The following FRMPD4 variants were observed in gnomAD, a reference collection of about 807,000 sequenced individuals.
FRMPD4 encodes the protein FERM and PDZ domain-containing protein 4.
A neutral mutation model predicts 94.1 loss-of-function variants in FRMPD4; 22 were observed. That is an observed-to-expected ratio of 0.23 (90% CI 0.17 to 0.33). The LOEUF (loss-of-function observed/expected upper bound fraction) is 0.33. Ranked by LOEUF, FRMPD4 falls within the 10% of genes least tolerant of loss-of-function variation. The pLI, the probability that FRMPD4 is intolerant of heterozygous loss-of-function variation, is 1.00. For synonymous variants in FRMPD4, 631 were observed against 548.6 expected, an observed-to-expected ratio of 1.15 and a Z score of -2.10; for missense variants, 1,111 against 1,339.9, an observed-to-expected ratio of 0.83 and a Z score of 2.67.
intron 1 of FRMPD4, among the ~76,000 whole-genome samples, chrX:12,458,750 G>A (rs1422184697): frequency 8.9e-6 from 1 of 111,769 alleles, no homozygotes; most frequent in African/African-American, 3.3e-5. Context: ...CACGACTTTG[G>A]TCGAAGAAAT....
rs764595460 is a variant in FRMPD4 at position 12,248,881 on chromosome X, A to G, written c.41+109869A>G. On this transcript the variant is annotated intron_variant, in intron 1 of 16. Coordinates refer to ENST00000675598, the MANE Select transcript of FRMPD4 (RefSeq NM_001368397.1). ...TGGCGAAACCCCGTCTCTACTAAAA[A>G]TACAAAAATTAGCTGGGTGTGGTGG... 3.6e-5 allele frequency among the ~76,000 whole-genome samples: 4 copies of G among 112,258 alleles called. No individual in the cohort carries two copies. In the East Asian group the frequency reaches 1.1e-3, roughly 32 times the overall value.
At chrX:12,071,505 A>T (rs1224135379) in intron 3 of FRMPD4, among the ~76,000 whole-genome samples, 1 of 111,871 alleles carries the variant, frequency 8.9e-6, no homozygotes, top group Non-Finnish European at 1.9e-5. Context: ...GTTTACTCTT[A>T]TTAGATTACA....
chrX:12,055,923 C>T (rs1211007252), intron 3 of FRMPD4, among the ~76,000 whole-genome samples: 3 of 111,597 alleles, frequency 2.7e-5, no homozygotes, highest in Non-Finnish European at 3.8e-5. Context: ...CTTGTGGGTA[C>T]AGAATTCATA....
intron 1 of FRMPD4, among the ~76,000 whole-genome samples, chrX:12,288,654 T>C (rs187086173): frequency 8.9e-6 from 1 of 111,959 alleles, no homozygotes; most frequent in East Asian, 2.8e-4. Flanking sequence ...TTCTTTATAA[T>C]TTTTCTCTGC....
chrX:12,362,649 A>G (rs1349186943), intron 1 of FRMPD4, among the ~76,000 whole-genome samples: 1 of 111,585 alleles, frequency 9.0e-6, no homozygotes, highest in East Asian at 2.8e-4. Context: ...TATTGTGAAT[A>G]GTGCCGCAAT....
chrX:12,447,559 C>T (rs989053728), intron 1 of FRMPD4, among the ~76,000 whole-genome samples: 1 of 112,133 alleles, frequency 8.9e-6, no homozygotes, highest in Non-Finnish European at 1.9e-5. Flanking sequence ...CAAGCCTGCC[C>T]CCTCCTGCAA....
At chrX:12,331,691 A>AT (rs754063498) in intron 1 of FRMPD4, among the ~76,000 whole-genome samples, 1 of 65,281 alleles carries the variant, frequency 1.5e-5, no homozygotes, top group African/African-American at 8.9e-5. Flanking sequence ...ATATTTATAT[A>AT]ATATATAAAT....
chrX:12,054,752 A>C (rs2054844086), intron 3 of FRMPD4: 1 of 112,136 alleles, frequency 8.9e-6, no homozygotes, highest in African/African-American at 3.2e-5. Flanking sequence ...ATTACTCCTG[A>C]AAAGCAAATG....
intron 1 of FRMPD4, among the ~76,000 whole-genome samples, chrX:12,460,469 C>T (rs2057379870): frequency 9.0e-6 from 1 of 111,573 alleles, no homozygotes; most frequent in Non-Finnish European, 1.9e-5. Flanking sequence ...TTCATTTTTT[C>T]CATGTGCAGA....
intron 3 of FRMPD4, among the ~76,000 whole-genome samples, chrX:11,907,813 G>T (rs1245668742): frequency 9.0e-6 from 1 of 111,404 alleles, no homozygotes; most frequent in Non-Finnish European, 1.9e-5. Flanking sequence ...TGTTGTTTTT[G>T]CACCTTTTTT....
chrX:11,886,326 G>A (rs1360674094), intron 3 of FRMPD4, among the ~76,000 whole-genome samples: 1 of 111,746 alleles, frequency 8.9e-6, no homozygotes, highest in Non-Finnish European at 1.9e-5. Context: ...GGAAACAGTG[G>A]GGAAATACGT....
chrX:12,032,941 G>A (rs1380026414), intron 3 of FRMPD4, among the ~76,000 whole-genome samples: 1 of 111,971 alleles, frequency 8.9e-6, no homozygotes, highest in African/African-American at 3.2e-5. Context: ...GGAATTTTGA[G>A]AAGCTCAAAG....
In FRMPD4 at chrX:12,391,332, A is replaced by G. The variant is rs192865282; in HGVS notation, c.42-107348A>G. ...AGGGGCAATGTCCCAGGCAGAAGTT[A>G]ATGCTACCTACAGACATCTGTGAAA... On this transcript the variant is annotated intron_variant, in intron 1 of 16. Coordinates refer to ENST00000675598, the MANE Select transcript of FRMPD4 (RefSeq NM_001368397.1). 3.0e-3 allele frequency among the ~76,000 whole-genome samples: 338 copies of G among 112,023 alleles called. 2 individuals are homozygous for G. The highest frequency in any genetic ancestry group is 5.0e-3 in the Non-Finnish European group (267 of 53,175).
intron 1 of FRMPD4, among the ~76,000 whole-genome samples, chrX:12,305,050 G>C (rs1042825533): frequency 7.1e-5 from 8 of 112,212 alleles, no homozygotes; most frequent in Non-Finnish European, 1.3e-4. Flanking sequence ...GACTTAAATA[G>C]AACTCCTCAA....
chrX:12,623,203 AAAGGAAGG>A (rs1156582817), intron 4 of FRMPD4, among the ~76,000 whole-genome samples: 201 of 6,604 alleles, frequency 0.03, 19 homozygotes, highest in African/African-American at 0.058. Flanking sequence ...AGAAAGAAAG[AAAGGAAGG>A]AAGGAAGGAA....
At chrX:11,976,091 T>C (rs1244536439) in intron 3 of FRMPD4, among the ~76,000 whole-genome samples, 1 of 111,680 alleles carries the variant, frequency 9.0e-6, no homozygotes, top group Admixed American at 9.5e-5. Context: ...GGCTTTCAGA[T>C]TTTCCTATCC....
chrX:12,612,846 A>T (rs2059196283), intron 3 of FRMPD4, among the ~76,000 whole-genome samples: 1 of 112,163 alleles, frequency 8.9e-6, no homozygotes, highest in Admixed American at 9.4e-5. Context: ...TGAGTTCCTT[A>T]TGTGTGCAAA....
chrX:11,919,595 A>G (rs1439302566), intron 3 of FRMPD4, among the ~76,000 whole-genome samples: 1 of 111,077 alleles, frequency 9.0e-6, no homozygotes, highest in Non-Finnish European at 1.9e-5. Flanking sequence ...ATTCAATGAC[A>G]ATTCCTGCCT....
At chrX:12,252,850 G>A (rs747210550) in intron 1 of FRMPD4, among the ~76,000 whole-genome samples, 4 of 111,679 alleles carry the variant, frequency 3.6e-5, no homozygotes, top group Non-Finnish European at 7.5e-5. Flanking sequence ...GAAAGTGACT[G>A]TATTTCACTA....
Sources: allele counts gnomAD v4.1 joint callset (sites outside exome capture counted in the v4.1 genomes callset), GRCh38; gene constraint gnomAD v4.1.1; transcripts MANE v1.5; gene names NCBI Gene and HGNC (gene_info 2026-07-23, HGNC 2026-07-21).